Variants in TENM3 observed in about 807,000 individuals in gnomAD.
TENM3 encodes the protein teneurin-3.
In TENM3, 63 loss-of-function variants were observed where a neutral mutation model predicts 255.1. The ratio of observed to expected loss-of-function variants is 0.25; its 90% CI spans 0.20 to 0.30. The LOEUF is 0.30. TENM3 is among the 10% of genes least tolerant of loss of function. The pLI is 1.00. For missense variants in TENM3, 2,929 were observed against 3,461.1 expected (o/e 0.85, Z 3.86); for synonymous variants, 1,306 against 1,322.3 (o/e 0.99, Z 0.27).
chr4:182,587,586 G>T (rs6829626), intron 3 of TENM3, among the ~76,000 whole-genome samples: 82,901 of 151,704 alleles, frequency 0.55, 24,169 homozygotes, highest in East Asian at 0.67. Flanking sequence ...TCAAAAAAAT[G>T]TTCTTTGTAG....
At chr4:181,868,506 T>A in the TENM3 span, among the ~76,000 whole-genome samples, 33 of 152,314 alleles carry the variant, frequency 2.2e-4, no homozygotes, top group African/African-American at 7.2e-4. Context: ...CCAGCAAACA[T>A]CACCTGTTTT....
chr4:181,595,444 A>AAAAAAAAAAC, the TENM3 span, among the ~76,000 whole-genome samples: 328 of 129,534 alleles, frequency 2.5e-3, 6 homozygotes, highest in African/African-American at 7.5e-3. Flanking sequence ...AAAAAAAAAA[A>AAAAAAAAAAC]AAAAAAAAAA....
intron 3 of TENM3, among the ~76,000 whole-genome samples, chr4:182,348,831 C>T (rs570548174): frequency 1.6e-4 from 24 of 151,882 alleles, no homozygotes; most frequent in African/African-American, 2.9e-4. Context: ...CTTTAGTTAA[C>T]GACACATAAT....
the TENM3 span, among the ~76,000 whole-genome samples, chr4:181,727,161 C>A: frequency 6.6e-5 from 10 of 152,240 alleles, no homozygotes; most frequent in South Asian, 1.5e-3. Flanking sequence ...ATGTTCAACC[C>A]CTCTACCTTC....
the TENM3 span, among the ~76,000 whole-genome samples, chr4:181,532,814 CTTA>C: frequency 6.6e-6 from 1 of 152,086 alleles, no homozygotes; most frequent in Non-Finnish European, 1.5e-5. Context: ...TAACCTAACT[CTTA>C]TGATATTGTT....
At chr4:182,456,572 A>G (rs1026405136) in intron 3 of TENM3, among the ~76,000 whole-genome samples, 2 of 152,232 alleles carry the variant, frequency 1.3e-5, no homozygotes, top group African/African-American at 4.8e-5. Flanking sequence ...ACTTACATGT[A>G]CAGTTAACTT....
intron 4 of TENM3, among the ~76,000 whole-genome samples, chr4:182,621,783 T>TA: frequency 5.9e-5 from 4 of 68,104 alleles, no homozygotes; most frequent in African/African-American, 2.4e-4. Context: ...TTATATATAA[T>TA]TATATATATA....
chr4:181,613,117 T>A, the TENM3 span, among the ~76,000 whole-genome samples: 1 of 152,250 alleles, frequency 6.6e-6, no homozygotes, highest in Non-Finnish European at 1.5e-5. Flanking sequence ...TTGTGAATGC[T>A]GTTCTACTGA....
chr4:182,672,722 C>T (rs1755321373), intron 6 of TENM3, among the ~76,000 whole-genome samples: 5 of 152,134 alleles, frequency 3.3e-5, no homozygotes, highest in Admixed American at 2.0e-4. Flanking sequence ...TTCAAGTGAA[C>T]AGAAAGACTG....
the TENM3 span, among the ~76,000 whole-genome samples, chr4:181,572,506 T>C: frequency 3.9e-5 from 6 of 152,304 alleles, no homozygotes; most frequent in African/African-American, 1.4e-4. Context: ...CCTTAAATAG[T>C]TTTTCTTTCT....
At position 182,266,124 on chromosome 4, in the gene TENM3, C is replaced by G. The variant is rs1026937360; in HGVS notation, c.-76+22648C>G. On this transcript the variant is annotated intron_variant, in intron 1 of 27. Coordinates refer to ENST00000511685, the MANE Select transcript of TENM3 (RefSeq NM_001080477.4). ...TATCTGCACTTCTGCCCGGTGTGTCCTGGATAGACTCCACACCTAGTACGT... is the reference window on the plus strand; with the variant it reads ...TATCTGCACTTCTGCCCGGTGTGTCGTGGATAGACTCCACACCTAGTACGT... Among the ~76,000 whole-genome samples, 3 of 152,304 alleles carry G rather than the reference C, an allele frequency of 2.0e-5. No homozygotes were observed. The East Asian group carries it at 5.8e-4, about 29-fold the overall frequency.
the TENM3 span, among the ~76,000 whole-genome samples, chr4:181,991,773 T>C: frequency 6.6e-6 from 1 of 152,148 alleles, no homozygotes; most frequent in Admixed American, 6.6e-5. Context: ...GTTACCTCTG[T>C]AGCCAGCCAT....
At chr4:181,893,488 C>CCCT in the TENM3 span, among the ~76,000 whole-genome samples, 4 of 13,238 alleles carry the variant, frequency 3.0e-4, no homozygotes, top group Non-Finnish European at 4.2e-4. Flanking sequence ...CTTTCCCCTG[C>CCCT]CCACCCCCCC....
chr4:182,200,764 A>T (rs1483274893), intron 1 of TENM3, among the ~76,000 whole-genome samples: 1 of 152,100 alleles, frequency 6.6e-6, no homozygotes, highest in Non-Finnish European at 1.5e-5. Flanking sequence ...ATTGCTATGA[A>T]ATGAGCCGTT....
intron 13 of TENM3, among the ~76,000 whole-genome samples, chr4:182,719,252 C>CT (rs11348241): frequency 0.16 from 12,707 of 81,138 alleles, 2,558 homozygotes; most frequent in African/African-American, 0.2. Context: ...TTTTTTTTTT[C>CT]TTTTTTTTTT....
chr4:181,801,595 G>A, the TENM3 span, among the ~76,000 whole-genome samples: 1 of 142,166 alleles, frequency 7.0e-6, no homozygotes, highest in Non-Finnish European at 1.5e-5. Flanking sequence ...CAGCCCTAAG[G>A]CTGGCTCATG....
intron 1 of TENM3, among the ~76,000 whole-genome samples, chr4:182,220,254 G>A (rs1409336878): frequency 1.3e-5 from 2 of 151,864 alleles, no homozygotes; most frequent in Non-Finnish European, 1.5e-5. Context: ...GCGGGAGCCT[G>A]TAATCCCAGC....
chr4:182,649,882 A>G (rs1211587409), intron 5 of TENM3, among the ~76,000 whole-genome samples: 1 of 150,222 alleles, frequency 6.7e-6, no homozygotes, highest in Non-Finnish European at 1.5e-5. Flanking sequence ...TTCCTTCTCT[A>G]TGGATTTTCA....
intron 1 of TENM3, among the ~76,000 whole-genome samples, chr4:182,214,125 A>G (rs769674429): frequency 6.6e-6 from 1 of 152,054 alleles, no homozygotes; most frequent in Non-Finnish European, 1.5e-5. Context: ...TTCTTAAATG[A>G]GAGAAAGAAG....
Sources: allele counts gnomAD v4.1 joint callset (sites outside exome capture counted in the v4.1 genomes callset), GRCh38; gene constraint gnomAD v4.1.1; transcripts MANE v1.5; gene names NCBI Gene and HGNC (gene_info 2026-07-23, HGNC 2026-07-21).